The following SLC9A4 variants were observed in gnomAD, a reference collection of about 807,000 sequenced individuals.
The protein encoded by SLC9A4 is solute carrier family 9 member A4, also known as sodium/hydrogen exchanger 4.
SLC9A4 carries 63 observed loss-of-function variants against 67.4 expected under a neutral mutation model. The ratio of observed to expected loss-of-function variants is 0.93; its 90% CI spans 0.76 to 1.15. The LOEUF (loss-of-function observed/expected upper bound fraction) is 1.15, where lower values mean the gene tolerates loss of function less well. Among genes scored for constraint, SLC9A4 ranks in the 50% most tolerant of loss-of-function variants. The pLI is 0.00. For missense variants in SLC9A4, 1,089 were observed against 987.7 expected (o/e 1.10, Z -1.38); for synonymous variants, 393 against 367.2 (o/e 1.07, Z -0.80).
At chr2:102,480,127 A>T (rs1397807252) in intron 2 of SLC9A4, among the ~76,000 whole-genome samples, 1 of 152,242 alleles carries the variant, frequency 6.6e-6, no homozygotes, top group African/African-American at 2.4e-5. Context: ...AGAATCAAAC[A>T]GTACAAAACT....
At chr2:102,504,071 G>C (rs1684999666) in intron 3 of SLC9A4, among the ~76,000 whole-genome samples, 1 of 151,962 alleles carries the variant, frequency 6.6e-6, no homozygotes, top group Admixed American at 6.6e-5. Flanking sequence ...TGTTTGTTTT[G>C]AGACAGAGTC....
Position 102,476,501 on chromosome 2 carries a change from C to T in SLC9A4, c.257-2338C>T, listed in dbSNP as rs1684335449. Among the ~76,000 whole-genome samples the T allele has an allele frequency of 3.9e-5, 6 of 152,300 alleles. No individual in the cohort carries two copies. In the South Asian group the frequency reaches 1.0e-3, roughly 26 times the overall value. ...CCTGCTACAACTGTGTAGAGAGCAA[C>T]TTGGCTTAAGGCAGGTGAATGTTGG... On this transcript the variant is annotated intron_variant, in intron 1 of 11. Transcript: ENST00000295269.
At chr2:102,528,319 T>A (rs2104450894) in intron 11 of SLC9A4, among the ~76,000 whole-genome samples, 1 of 152,316 alleles carries the variant, frequency 6.6e-6, no homozygotes, top group African/African-American at 2.4e-5. Flanking sequence ...ATAGTTTAAT[T>A]TTTTTAAACC....
intron 6 of SLC9A4, among the ~76,000 whole-genome samples, chr2:102,510,497 C>A (rs1038744660): frequency 6.6e-6 from 1 of 152,188 alleles, no homozygotes; most frequent in Non-Finnish European, 1.5e-5. Flanking sequence ...GACATTTCAA[C>A]TGAATCAGTC....
chr2:102,483,916 T>A (rs1684529888), intron 2 of SLC9A4, among the ~76,000 whole-genome samples: 1 of 148,834 alleles, frequency 6.7e-6, no homozygotes, highest in Admixed American at 6.7e-5. Context: ...TATATATTTA[T>A]ATATTAACAT....
chr2:102,524,980 T>C, intron 9 of SLC9A4, 44 bp from the exon 10 acceptor site: 1 of 1,610,372 alleles, frequency 6.2e-7, no homozygotes, highest in South Asian at 1.1e-5. Flanking sequence ...CTGAAAGTTG[T>C]ATGGAGGAGT....
intron 2 of SLC9A4, among the ~76,000 whole-genome samples, chr2:102,493,470 G>C (rs1356581845): frequency 6.6e-6 from 1 of 151,872 alleles, no homozygotes; most frequent in Non-Finnish European, 1.5e-5. Context: ...GCAGGCAAGA[G>C]AGCATGTACA....
intron 2 of SLC9A4, among the ~76,000 whole-genome samples, chr2:102,481,018 T>C (rs528718817): frequency 5.3e-5 from 8 of 152,186 alleles, no homozygotes; most frequent in Non-Finnish European, 1.2e-4. Flanking sequence ...TTTTGCAGGT[T>C]GGCAGGGACC....
chr2:102,481,339 A>G (rs1158441851), intron 2 of SLC9A4, among the ~76,000 whole-genome samples: 1 of 152,224 alleles, frequency 6.6e-6, no homozygotes, highest in East Asian at 1.9e-4. Context: ...TTCTAATGCC[A>G]TGAGCAAAAA....
At chr2:102,477,067 AT>A (rs1684349005) in intron 1 of SLC9A4, among the ~76,000 whole-genome samples, 1 of 152,182 alleles carries the variant, frequency 6.6e-6, no homozygotes, top group Non-Finnish European at 1.5e-5. Context: ...GGATGGGTGA[AT>A]CTAACAATTC....
At chr2:102,526,026 T>C (rs1319141223) in intron 10 of SLC9A4, among the ~76,000 whole-genome samples, 2 of 152,098 alleles carry the variant, frequency 1.3e-5, no homozygotes, top group African/African-American at 4.8e-5. Context: ...TAGCTGGGAT[T>C]ACAGGTGCCC....
chr2:102,507,583 C>T (rs1480798714), intron 4 of SLC9A4, among the ~76,000 whole-genome samples: 2 of 152,030 alleles, frequency 1.3e-5, no homozygotes, highest in African/African-American at 2.4e-5. Context: ...GAGGGACAAG[C>T]CAACAGTAAG....
Position 102,511,508 on chromosome 2 carries a change from T to G in SLC9A4, c.1489-695T>G, listed in dbSNP as rs1027222437. ...ATAATTAATTTAATATTTCAAACTATTTTTCAAAACAAAATTCAGAAGCCA... is the reference window on the plus strand; with the variant it reads ...ATAATTAATTTAATATTTCAAACTAGTTTTCAAAACAAAATTCAGAAGCCA... On this transcript the variant is annotated intron_variant, in intron 6 of 11. Coordinates refer to ENST00000295269, the MANE Select transcript of SLC9A4 (RefSeq NM_001011552.4). Among the ~76,000 whole-genome samples the G allele has an allele frequency of 2.0e-5, 3 of 151,974 alleles. No homozygotes were observed. The South Asian group carries it at 6.2e-4, about 31-fold the overall frequency.
In SLC9A4 at chr2:102,473,890, C is replaced by T. The variant is rs1684273502; in HGVS notation, c.131C>T (p.Ala44Val). 6.2e-7 allele frequency: 1 copy of T among 1,613,996 alleles called. No individual in the cohort carries two copies. Among genetic ancestry groups the T allele is most frequent in the African/African-American group, 1.3e-5 (1 of 74,928 alleles). Residue 44 changes from alanine (A) to valine (V), a missense_variant, in exon 1 of 12, where the codon GCT (alanine) becomes GTT (valine). Physicochemically the swap from Ala to Val is moderately conservative, Grantham distance 64 (BLOSUM62 0). Coordinates refer to ENST00000295269, the MANE Select transcript of SLC9A4 (RefSeq NM_001011552.4). ...TCCACTGCTCAGTATGCATCTAACG[C>T]TTGGTTTGCTGCTGCCAGCTCAGAG... The part of the protein sequence containing the change: ...ANSTAQYASN[A>V]WFAAASSEPE...
At position 102,503,688 on chromosome 2, in the gene SLC9A4, T is replaced by C. The variant is rs1684991230; in HGVS notation, c.961T>C (p.Tyr321His). ...GTCTTACTTAGCTGCTGAAACCCTCTATCTCTCCGGCATCCTGGCGTGAGT... is the reference window on the plus strand; with the variant it reads ...GTCTTACTTAGCTGCTGAAACCCTCCATCTCTCCGGCATCCTGGCGTGAGT... ...YLSYLAAETL[Y>H]LSGILAITAC... Residue 321 changes from tyrosine (Y) to histidine (H), a missense_variant, in exon 3 of 12, where the codon TAT (tyrosine) becomes CAT (histidine). Coordinates refer to ENST00000295269, the MANE Select transcript of SLC9A4 (RefSeq NM_001011552.4). The C allele has an allele frequency of 6.2e-7, 1 of 1,614,180 alleles. No homozygotes were observed. The highest frequency in any genetic ancestry group is 8.5e-7 in the Non-Finnish European group (1 of 1,180,010).
chr2:102,532,319 T>C lies in SLC9A4; in HGVS notation c.2039-11T>C, dbSNP rs1223325758. 7 of 1,605,786 alleles carry C rather than the reference T, an allele frequency of 4.4e-6. No individual in the cohort carries two copies. The highest frequency in any genetic ancestry group is 2.2e-5 in the East Asian group (1 of 44,778). On this transcript the variant is annotated splice_polypyrimidine_tract_variant and intron_variant, in intron 11 of 11. Coordinates refer to ENST00000295269, the MANE Select transcript of SLC9A4 (RefSeq NM_001011552.4). ...TTGTTCTTTCCCCTTCTTGCCATGA[T>C]GTTTTCCTAGATGATGACAGCAGTG... is the stretch of plus-strand genomic sequence containing the variant.
In SLC9A4 at chr2:102,479,213, G is replaced by C; in HGVS notation, c.631G>C (p.Val211Leu). 1 of 1,614,160 alleles carries C rather than the reference G, an allele frequency of 6.2e-7. No homozygotes were observed. Among genetic ancestry groups the C allele is most frequent in the Non-Finnish European group, 8.5e-7 (1 of 1,180,028 alleles). The change falls in exon 2 of 12, where the codon GTG (valine) becomes CTG (leucine). Residue 211 changes from valine to leucine, a missense_variant. Physicochemically the swap from Val to Leu is conservative, Grantham distance 32. Coordinates refer to ENST00000295269, the MANE Select transcript of SLC9A4 (RefSeq NM_001011552.4). ...SLISAVDPVA[V>L]LAVFEEARVN... The stretch of plus-strand genomic sequence containing the variant: ...GATCTCCGCCGTGGACCCAGTGGCC[G>C]TGCTAGCCGTGTTTGAGGAAGCGCG...
chr2:102,508,319 T>C, intron 5 of SLC9A4, 38 bp downstream of exon 5: 1 of 1,513,000 alleles, frequency 6.6e-7, no homozygotes, highest in Non-Finnish European at 9.0e-7. Flanking sequence ...AAATAGGTTA[T>C]TTCAGGACAA....
At chr2:102,474,681 G>A (rs1684291409) in intron 1 of SLC9A4, among the ~76,000 whole-genome samples, 1 of 152,158 alleles carries the variant, frequency 6.6e-6, no homozygotes, top group Non-Finnish European at 1.5e-5. Flanking sequence ...GGATCTTTGT[G>A]TCAAAAACCA....
Sources: allele counts gnomAD v4.1 joint callset (sites outside exome capture counted in the v4.1 genomes callset), GRCh38; gene constraint gnomAD v4.1.1; transcripts MANE v1.5; gene names NCBI Gene and HGNC (gene_info 2026-07-23, HGNC 2026-07-21).